MOXD1: variants seen among roughly 807,000 people sequenced by gnomAD.
The protein encoded by MOXD1 is monooxygenase DBH like 1, also known as DBH-like monooxygenase protein 1.
MOXD1 carries 62 observed loss-of-function variants against 66.6 expected under a neutral mutation model. That is an observed-to-expected ratio of 0.93 (90% CI 0.76 to 1.15). The LOEUF (loss-of-function observed/expected upper bound fraction) is 1.15, where lower values mean the gene tolerates loss of function less well. Ranked by LOEUF, MOXD1 falls within the 50% of genes most tolerant of loss-of-function variation. MOXD1 has a pLI of 0.00. For synonymous variants in MOXD1, 303 were observed against 281.9 expected, an observed-to-expected ratio of 1.07 and a Z score of -0.75; for missense variants, 847 against 754.6, an observed-to-expected ratio of 1.12 and a Z score of -1.44.
chr6:132,379,256 A>T (rs1036465835), intron 1 of MOXD1, among the ~76,000 whole-genome samples: 2 of 152,274 alleles, frequency 1.3e-5, no homozygotes, highest in South Asian at 2.1e-4. Flanking sequence ...TCTAAAAAAG[A>T]AAAACCATAT....
At chr6:132,355,141 T>C (rs1384461595) in intron 4 of MOXD1, among the ~76,000 whole-genome samples, 1 of 152,116 alleles carries the variant, frequency 6.6e-6, no homozygotes, top group Non-Finnish European at 1.5e-5. Flanking sequence ...ACCAGATTCG[T>C]GCCCTTCCCC....
At chr6:132,370,398 C>T (rs1776241665) in intron 4 of MOXD1, among the ~76,000 whole-genome samples, 1 of 151,996 alleles carries the variant, frequency 6.6e-6, no homozygotes, top group African/African-American at 2.4e-5. Flanking sequence ...AAACCACTTA[C>T]ATATTACTAA....
Position 132,372,892 on chromosome 6 carries a change from T to A in MOXD1, c.517A>T (p.Asn173Tyr), listed in dbSNP as rs1307662310. 4 of 1,614,092 alleles carry A rather than the reference T, an allele frequency of 2.5e-6. No individual in the cohort carries two copies. Among genetic ancestry groups the A allele is most frequent in the Non-Finnish European group, 2.5e-6 (3 of 1,179,962 alleles). Reference protein sequence around the residue: ...NRGTKSLRLLNPEKTSVLSTA... With the variant: ...NRGTKSLRLLYPEKTSVLSTA... ...GATAGCACACTAGTTTTCTCAGGAT[T>A]CAATAACCGCAAACTCTTGGTGCCC... Residue 173 changes from asparagine to tyrosine, a missense_variant, in exon 3 of 12, where the codon AAT (asparagine) becomes TAT (tyrosine). By Grantham distance (143) the Asn-to-Tyr change is moderately radical. Transcript: ENST00000367963.
intron 1 of MOXD1, among the ~76,000 whole-genome samples, chr6:132,384,271 TTCCTTCCTTCCTTCCTTCC>T (rs1186925573): frequency 1.0e-5 from 1 of 98,996 alleles, no homozygotes; most frequent in Non-Finnish European, 2.0e-5. Flanking sequence ...CCTTCCTTCC[TTCCTTCCTTCCTTCCTTCC>T]TCCTTCCTTC....
intron 1 of MOXD1, among the ~76,000 whole-genome samples, chr6:132,395,920 G>A (rs752148474): frequency 1.3e-5 from 2 of 152,162 alleles, no homozygotes; most frequent in Non-Finnish European, 2.9e-5. Context: ...TCTAAAGGGA[G>A]TGATAGACTC....
intron 1 of MOXD1, among the ~76,000 whole-genome samples, chr6:132,388,538 T>C (rs1285863134): frequency 1.3e-5 from 2 of 151,394 alleles, no homozygotes; most frequent in Non-Finnish European, 3.0e-5. Flanking sequence ...AGATACTAAT[T>C]ATCCACCACT....
chr6:132,310,170 C>G (rs1444872661), intron 10 of MOXD1, among the ~76,000 whole-genome samples: 2 of 151,918 alleles, frequency 1.3e-5, no homozygotes, highest in Non-Finnish European at 2.9e-5. Flanking sequence ...AAAACAATCC[C>G]ATTAAAAAGT....
intron 4 of MOXD1, among the ~76,000 whole-genome samples, chr6:132,372,260 C>A (rs1204150762): frequency 1.3e-5 from 2 of 151,974 alleles, no homozygotes; most frequent in Non-Finnish European, 2.9e-5. Context: ...AGGAATGTAA[C>A]CTTCATGGGT....
At chr6:132,332,836 C>A (rs73546022) in intron 4 of MOXD1, among the ~76,000 whole-genome samples, 65,211 of 152,028 alleles carry the variant, frequency 0.43, 19,095 homozygotes, top group African/African-American at 0.82. Flanking sequence ...CTATGTTATG[C>A]TATTCTTCTT....
intron 10 of MOXD1, among the ~76,000 whole-genome samples, chr6:132,298,994 T>C (rs868788209): frequency 2.6e-5 from 4 of 152,132 alleles, no homozygotes; most frequent in African/African-American, 7.2e-5. Context: ...ATAGCACTAT[T>C]CACAATAGCA....
intron 10 of MOXD1, among the ~76,000 whole-genome samples, chr6:132,307,194 G>C (rs1323828233): frequency 6.7e-6 from 1 of 149,852 alleles, no homozygotes; most frequent in Non-Finnish European, 1.5e-5. Flanking sequence ...CAAATTGAAA[G>C]AAAAAAAAAG....
chr6:132,401,096 GC>G (rs1344275749), intron 1 of MOXD1, 66 bp downstream of exon 1: 1 of 1,402,258 alleles, frequency 7.1e-7, no homozygotes, highest in Non-Finnish European at 9.2e-7. Context: ...ACCCGCACCT[GC>G]GCCCTCTCTG....
intron 1 of MOXD1, chr6:132,375,192 C>G (rs746400382): frequency 1.2e-4 from 24 of 206,920 alleles, no homozygotes; most frequent in Non-Finnish European, 1.9e-4. Context: ...CTTTCCATTA[C>G]AACTCCTGGT....
rs547335608 is a variant in MOXD1 at position 132,364,804 on chromosome 6, C to T, written c.663+7804G>A. On this transcript the variant is annotated intron_variant, in intron 4 of 11. Transcript: ENST00000367963. ...CCTTCATTTGATGACAGCTAACATA[C>T]GAGGCAAATACGGTTATCAGCCCTA... Among the ~76,000 whole-genome samples, 5 of 152,210 alleles carry T rather than the reference C, an allele frequency of 3.3e-5. No individual in the cohort carries two copies. In the East Asian group the frequency reaches 5.8e-4, roughly 18 times the overall value.
At chr6:132,317,898 C>G (rs563890990) in intron 9 of MOXD1, among the ~76,000 whole-genome samples, 1 of 152,046 alleles carries the variant, frequency 6.6e-6, no homozygotes, top group African/African-American at 2.4e-5. Flanking sequence ...GTATGTATCC[C>G]TAAACAATAT....
intron 1 of MOXD1, among the ~76,000 whole-genome samples, chr6:132,378,279 G>A (rs892404416): frequency 2.6e-5 from 4 of 152,038 alleles, no homozygotes; most frequent in Non-Finnish European, 4.4e-5. Flanking sequence ...ACTAATGGCT[G>A]GAAATCCATG....
At chr6:132,401,051 C>A (rs1266742057) in intron 1 of MOXD1, 112 bp downstream of exon 1, 10 of 1,287,326 alleles carry the variant, frequency 7.8e-6, no homozygotes, top group Non-Finnish European at 1.0e-5. Context: ...CGCGGGGCTG[C>A]GCCAGGTGAG....
chr6:132,356,814 A>T (rs1385998592), intron 4 of MOXD1, among the ~76,000 whole-genome samples: 2 of 152,142 alleles, frequency 1.3e-5, no homozygotes, highest in Admixed American at 6.5e-5. Context: ...AACCCAAAAA[A>T]ATCCTATATA....
chr6:132,315,913 T>C, intron 9 of MOXD1, 136 bp from the exon 10 acceptor site: 3 of 906,198 alleles, frequency 3.3e-6, no homozygotes, highest in South Asian at 3.4e-5. Context: ...GTTAAAAAAC[T>C]GGCTTTTTAG....
Sources: allele counts gnomAD v4.1 joint callset (sites outside exome capture counted in the v4.1 genomes callset), GRCh38; gene constraint gnomAD v4.1.1; transcripts MANE v1.5; gene names NCBI Gene and HGNC (gene_info 2026-07-23, HGNC 2026-07-21).